Variants in CALN1 observed in about 807,000 individuals in gnomAD.
CALN1 encodes calcium-binding protein 8.
CALN1 carries 17 observed loss-of-function variants against 30.6 expected under a neutral mutation model. The ratio of observed to expected loss-of-function variants is 0.56; its 90% CI spans 0.38 to 0.83. The LOEUF (loss-of-function observed/expected upper bound fraction) is 0.83, where lower values mean the gene tolerates loss of function less well. Among genes scored for constraint, CALN1 ranks in the 40% least tolerant of loss-of-function variants. CALN1 has a pLI of 0.00. For synonymous variants in CALN1, 156 were observed against 131.4 expected (o/e 1.19, Z -1.28); for missense variants, 291 against 354.9 (o/e 0.82, Z 1.45).
At chr7:72,228,927 A>ATT (rs1212504623) in intron 3 of CALN1, among the ~76,000 whole-genome samples, 8 of 119,068 alleles carry the variant, frequency 6.7e-5, no homozygotes, top group African/African-American at 1.6e-4. Flanking sequence ...ATGCCTGGCA[A>ATT]TTTTTTTTTT....
rs994680858 is a variant in CALN1 at position 72,106,357 on chromosome 7, T to C, written c.245-63A>G. The C allele has an allele frequency of 8.1e-6, 13 of 1,597,728 alleles. No individual in the cohort carries two copies. The African/African-American group carries it at 1.6e-4, about 20-fold the overall frequency. On this transcript the variant is annotated intron_variant, in intron 3 of 6. Transcript: ENST00000395275. Reference sequence around the variant, plus strand: ...GGCTGGCTTTATTGCACTGCAGTTATTGGTGATTGCCTACTGAGAACTCCT... The same window carrying C: ...GGCTGGCTTTATTGCACTGCAGTTACTGGTGATTGCCTACTGAGAACTCCT...
At chr7:72,032,008 A>T (rs1199347821) in intron 4 of CALN1, among the ~76,000 whole-genome samples, 1 of 148,680 alleles carries the variant, frequency 6.7e-6, no homozygotes, top group Non-Finnish European at 1.5e-5. Context: ...CCACCTCCCA[A>T]AGTGCTGGGA....
At chr7:71,806,754 C>T (rs191447647) in intron 6 of CALN1, among the ~76,000 whole-genome samples, 33 of 152,290 alleles carry the variant, frequency 2.2e-4, no homozygotes, top group African/African-American at 7.7e-4. Context: ...CCAAAGAATG[C>T]AGTTTCCACA....
chr7:72,456,561 AG>A, the CALN1 span, among the ~76,000 whole-genome samples: 1 of 151,942 alleles, frequency 6.6e-6, no homozygotes, highest in South Asian at 2.1e-4. Flanking sequence ...AATATATAAA[AG>A]ATCCCTCAGC....
rs931436762 is a variant in CALN1 at position 72,292,757 on chromosome 7, G to A, written c.120-13947C>T. On this transcript the variant is annotated intron_variant, in intron 2 of 6. Transcript: ENST00000395275. Reference sequence around the variant, plus strand: ...AATCACTTGAACCTGGGAGGTGAAGGTTACAGTGAGCCGAGATCGCGCCAC... The same window carrying A: ...AATCACTTGAACCTGGGAGGTGAAGATTACAGTGAGCCGAGATCGCGCCAC... 1.1e-4 allele frequency among the ~76,000 whole-genome samples: 16 copies of A among 143,262 alleles called. No homozygotes were observed. The Admixed American group carries it at 1.2e-3, about 10-fold the overall frequency. The allele number at this position is 143,262 out of a possible 152,430, so 94.0% of individuals were successfully genotyped here.
At chr7:71,959,931 T>G (rs991624033) in intron 5 of CALN1, among the ~76,000 whole-genome samples, 2 of 151,926 alleles carry the variant, frequency 1.3e-5, no homozygotes, top group Non-Finnish European at 2.9e-5. Context: ...GTCAGGAGTT[T>G]GAGATCAGTC....
intron 5 of CALN1, among the ~76,000 whole-genome samples, chr7:71,928,894 A>G (rs1795407033): frequency 6.6e-6 from 1 of 151,888 alleles, no homozygotes; most frequent in Admixed American, 6.6e-5. Context: ...AAAAAAAGAA[A>G]TATTCTTGAT....
At chr7:72,144,107 T>G (rs1810167455) in intron 3 of CALN1, among the ~76,000 whole-genome samples, 1 of 152,114 alleles carries the variant, frequency 6.6e-6, no homozygotes, top group Non-Finnish European at 1.5e-5. Context: ...AATGACAGGA[T>G]CAGATTCACA....
intron 4 of CALN1, among the ~76,000 whole-genome samples, chr7:72,102,421 G>C (rs1429716315): frequency 1.3e-5 from 2 of 152,042 alleles, no homozygotes; most frequent in Non-Finnish European, 2.9e-5. Context: ...CTGCAGCCTG[G>C]GCGTAAGACA....
At chr7:72,377,656 G>A (rs965589330) in intron 2 of CALN1, among the ~76,000 whole-genome samples, 2 of 152,134 alleles carry the variant, frequency 1.3e-5, no homozygotes, top group South Asian at 2.1e-4. Context: ...TTTGTCGTAT[G>A]TGGGCATTGA....
chr7:71,820,957 G>T (rs1402810639), intron 5 of CALN1, among the ~76,000 whole-genome samples: 1 of 152,164 alleles, frequency 6.6e-6, no homozygotes, highest in Non-Finnish European at 1.5e-5. Context: ...GTGTGAAGGC[G>T]AATGGGCCAT....
chr7:72,295,732 G>A (rs1798808948), intron 2 of CALN1, among the ~76,000 whole-genome samples: 2 of 151,354 alleles, frequency 1.3e-5, no homozygotes, highest in South Asian at 2.1e-4. Flanking sequence ...AGACTTTGCT[G>A]CAGTTGCTTA....
At chr7:72,260,483 C>T (rs889700008) in intron 3 of CALN1, among the ~76,000 whole-genome samples, 3 of 152,184 alleles carry the variant, frequency 2.0e-5, no homozygotes, top group African/African-American at 7.2e-5. Context: ...CAACCACAGT[C>T]GTGGAGATTC....
At chr7:71,931,847 C>T (rs147875821) in intron 5 of CALN1, among the ~76,000 whole-genome samples, 10 of 148,682 alleles carry the variant, frequency 6.7e-5, no homozygotes, top group African/African-American at 2.4e-4. Flanking sequence ...TGTAGAGGAG[C>T]CCAAAACTCA....
intron 1 of CALN1, among the ~76,000 whole-genome samples, chr7:72,405,600 A>G (rs1205615455): frequency 6.6e-6 from 1 of 151,962 alleles, no homozygotes; most frequent in Non-Finnish European, 1.5e-5. Flanking sequence ...ATCTATTCAC[A>G]CACACTACAA....
chr7:72,152,212 T>C (rs1787307781), intron 3 of CALN1, among the ~76,000 whole-genome samples: 1 of 152,108 alleles, frequency 6.6e-6, no homozygotes, highest in Non-Finnish European at 1.5e-5. Context: ...GGTCTATACA[T>C]TCTTTCCAAA....
At chr7:72,472,947 G>T in the CALN1 span, among the ~76,000 whole-genome samples, 1 of 152,232 alleles carries the variant, frequency 6.6e-6, no homozygotes, top group South Asian at 2.1e-4. Context: ...GGGGCGGGAG[G>T]CAGATAAGCT....
intron 2 of CALN1, among the ~76,000 whole-genome samples, chr7:72,378,076 G>A (rs1804674420): frequency 6.6e-6 from 1 of 151,986 alleles, no homozygotes; most frequent in African/African-American, 2.4e-5. Flanking sequence ...TAAACAGCAG[G>A]AACTAAGTCA....
At chr7:71,922,563 A>AT (rs1275988908) in intron 5 of CALN1, among the ~76,000 whole-genome samples, 2 of 141,608 alleles carry the variant, frequency 1.4e-5, no homozygotes, top group African/African-American at 2.6e-5. Flanking sequence ...CACAGATTAT[A>AT]TATAAATATA....
Sources: gnomAD v4.1 joint callset for allele counts (sites outside exome capture counted in the v4.1 genomes callset) on GRCh38, gnomAD v4.1.1 for gene constraint, MANE v1.5 for transcripts, NCBI Gene and HGNC (gene_info 2026-07-23, HGNC 2026-07-21) for gene names.